PARP4: variants seen among roughly 807,000 people sequenced by gnomAD.
PARP4 encodes poly(ADP-ribose) polymerase family member 4, also known as protein mono-ADP-ribosyltransferase PARP4.
PARP4 carries 120 observed loss-of-function variants against 187.7 expected under a neutral mutation model. The observed-to-expected ratio is 0.64, with a 90% CI of 0.55 to 0.74. PARP4 has a LOEUF of 0.74. PARP4 is among the 30% of genes least tolerant of loss of function. The pLI is 0.00. For missense variants in PARP4, 1,836 were observed against 2,070.5 expected (o/e 0.89, Z 2.20); for synonymous variants, 654 against 740.9 (o/e 0.88, Z 1.90).
chr13:24,494,829 G>T (rs1868854807), intron 6 of PARP4, 107 bp from the exon 7 acceptor site: 58 of 663,862 alleles, frequency 8.7e-5, no homozygotes, highest in Middle Eastern at 3.8e-4. Context: ...TTAGAAATTA[G>T]TTTTTTTCAA....
chr13:24,496,212 A>G (rs7984094), intron 6 of PARP4, among the ~76,000 whole-genome samples: 78,298 of 151,372 alleles, frequency 0.52, 20,304 homozygotes, highest in South Asian at 0.65. Flanking sequence ...TTTCACCTTC[A>G]TTTTTACTTA....
intron 12 of PARP4, among the ~76,000 whole-genome samples, chr13:24,480,308 C>T (rs1330894270): frequency 3.3e-5 from 5 of 152,136 alleles, no homozygotes; most frequent in African/African-American, 9.6e-5. Flanking sequence ...TCTCCTCCTT[C>T]TCTGGCCTCC....
chr13:24,488,606 G>A (rs1404653513), intron 10 of PARP4, among the ~76,000 whole-genome samples: 2 of 151,660 alleles, frequency 1.3e-5, no homozygotes, highest in Non-Finnish European at 2.9e-5. Flanking sequence ...TGCCCACCTC[G>A]GCCTCCCAAA....
At chr13:24,425,312 A>C (rs940528588) in intron 33 of PARP4, among the ~76,000 whole-genome samples, 19 of 152,172 alleles carry the variant, frequency 1.2e-4, no homozygotes, top group African/African-American at 4.6e-4. Context: ...ATAAATAAAT[A>C]AATAAATATC....
At position 24,434,987 on chromosome 13, in the gene PARP4, G is replaced by C; in HGVS notation, c.4154C>G (p.Thr1385Arg). 1 of 1,613,886 alleles carries C rather than the reference G, an allele frequency of 6.2e-7. No homozygotes were observed. Residue 1385 changes from threonine to arginine, a missense_variant, in exon 31 of 34, where the codon ACA (threonine) becomes AGA (arginine). Coordinates refer to ENST00000381989, the MANE Select transcript of PARP4 (RefSeq NM_006437.4). Reference sequence around the variant, plus strand: ...AGAAGGTGGGTTCTGGGGAGGTCCTGTGGGACAAGACGCCGACTGTGGGAT... The same window carrying C: ...AGAAGGTGGGTTCTGGGGAGGTCCTCTGGGACAAGACGCCGACTGTGGGAT... Reference protein sequence around the residue: ...DWIPQSASCPTGPPQNPPSSP... With the variant: ...DWIPQSASCPRGPPQNPPSSP...
intron 17 of PARP4, among the ~76,000 whole-genome samples, chr13:24,460,725 G>A (rs772664407): frequency 3.9e-5 from 6 of 152,058 alleles, no homozygotes; most frequent in East Asian, 1.9e-4. Context: ...ATCTTGCTCC[G>A]TCATCCAGGC....
chr13:24,457,917 T>C (rs926122595), intron 20 of PARP4, among the ~76,000 whole-genome samples: 8 of 151,876 alleles, frequency 5.3e-5, no homozygotes, highest in African/African-American at 1.7e-4. Context: ...AATCATACTG[T>C]TATGAAATTT....
rs781508000 is a variant in PARP4 at position 24,449,739 on chromosome 13, G to T, written c.3093C>A (p.Ser1031=). 4 of 1,598,312 alleles carry T rather than the reference G, an allele frequency of 2.5e-6. No individual in the cohort carries two copies. The highest frequency in any genetic ancestry group is 3.4e-6 in the Non-Finnish European group (4 of 1,167,340). Residue 1031 remains serine (S), a synonymous_variant, in exon 25 of 34, where the codon TCC becomes TCA. Transcript: ENST00000381989. Reference sequence around the variant, plus strand: ...ATACCTGTTTTCTCCAACTATGCTTGGATTTTGCATTAAAATATTCAAATA... The same window carrying T: ...ATACCTGTTTTCTCCAACTATGCTTTGATTTTGCATTAAAATATTCAAATA... The part of the protein sequence containing the change: ...AGVFEYFNAK[S]KHSWRKQIED...
rs576404133 is a variant in PARP4 at position 24,506,248 on chromosome 13, T to C, written c.-1-2471A>G. On this transcript the variant is annotated intron_variant, in intron 1 of 33. Transcript: ENST00000381989. ...CGCATCCAGAGTTTGTCCGGAGTTG[T>C]TTACTCCTACCGGTGGGTTCGTGGT... 1.1e-4 allele frequency among the ~76,000 whole-genome samples: 16 copies of C among 152,318 alleles called. No individual in the cohort carries two copies. The East Asian group carries it at 2.9e-3, about 28-fold the overall frequency.
At chr13:24,477,515 A>G (rs1446128779) in intron 14 of PARP4, among the ~76,000 whole-genome samples, 186 bp downstream of exon 14, 1 of 152,172 alleles carries the variant, frequency 6.6e-6, no homozygotes, top group Non-Finnish European at 1.5e-5. Context: ...TACTAGGCAG[A>G]GGGGTTTGAC....
intron 32 of PARP4, among the ~76,000 whole-genome samples, 158 bp from the exon 33 acceptor site, chr13:24,426,756 G>T (rs1280699303): frequency 6.6e-6 from 1 of 151,702 alleles, no homozygotes; most frequent in Non-Finnish European, 1.5e-5. Context: ...TTAGCCGGGG[G>T]TGGCAGGCAC....
rs1343891352 is a variant in PARP4, at chr13:24,490,838, G to A, written c.1054-10C>T. ...CCATGTCTCTTATTAGCTGTAGGTG[G>A]AAATAATACACAGATGTCAGAATCA... On this transcript the variant is annotated splice_polypyrimidine_tract_variant and intron_variant, in intron 9 of 33. Transcript: ENST00000381989. The A allele has an allele frequency of 1.2e-6, 2 of 1,607,498 alleles. No homozygotes were observed. The highest frequency in any genetic ancestry group is 2.7e-5 in the African/African-American group (2 of 74,662).
Position 24,460,084 on chromosome 13 carries a change from ATAAGAACCTTAGCC to A in PARP4, c.2172_2185del (p.Lys724AsnfsTer35). On this transcript the variant is annotated frameshift_variant, in exon 18 of 34. Transcript: ENST00000381989. LOFTEE classifies it high-confidence loss of function. Reference sequence around the variant, plus strand: ...GAGTTCTGTGATGTAGGTAATTTTTATAAGAACCTTAGCCTTAGGGGGTAAGTTTCCAACACTTA... The same window carrying A: ...GAGTTCTGTGATGTAGGTAATTTTTATTAGGGGGTAAGTTTCCAACACTTA... The A allele has an allele frequency of 6.2e-7, 1 of 1,614,116 alleles. No individual in the cohort carries two copies. Among genetic ancestry groups the A allele is most frequent in the Non-Finnish European group, 8.5e-7 (1 of 1,179,960 alleles).
intron 32 of PARP4, among the ~76,000 whole-genome samples, 177 bp downstream of exon 32, chr13:24,431,200 A>T (rs1870315525): frequency 6.6e-6 from 1 of 152,250 alleles, no homozygotes; most frequent in Non-Finnish European, 1.5e-5. Context: ...AGTGGTAAAA[A>T]TATGACTAGA....
chr13:24,484,300 A>G (rs1230777052), intron 12 of PARP4, among the ~76,000 whole-genome samples: 1 of 152,100 alleles, frequency 6.6e-6, no homozygotes, highest in African/African-American at 2.4e-5. Context: ...CCCAGTAGCT[A>G]GAACTATAGG....
intron 12 of PARP4, among the ~76,000 whole-genome samples, chr13:24,481,450 T>G (rs1284325759): frequency 6.6e-6 from 1 of 152,208 alleles, no homozygotes; most frequent in Non-Finnish European, 1.5e-5. Flanking sequence ...CCCAGCACTT[T>G]GGGAGGCCAA....
chr13:24,438,357 G>T (rs1288893376), intron 30 of PARP4, among the ~76,000 whole-genome samples: 2 of 152,200 alleles, frequency 1.3e-5, no homozygotes. Flanking sequence ...AGCTCAGGCG[G>T]TAATGCTCCC....
At chr13:24,473,246 G>A (rs1210225260) in intron 15 of PARP4, among the ~76,000 whole-genome samples, 1 of 152,112 alleles carries the variant, frequency 6.6e-6, no homozygotes, top group Non-Finnish European at 1.5e-5. Flanking sequence ...ATTTATGATA[G>A]CAAAATGTGT....
chr13:24,482,911 G>C (rs1278792727), intron 12 of PARP4, among the ~76,000 whole-genome samples: 2 of 152,188 alleles, frequency 1.3e-5, no homozygotes, highest in East Asian at 3.8e-4. Flanking sequence ...TTCAACTGAA[G>C]GACAGGACTT....
Sources: gnomAD v4.1 joint callset for allele counts (sites outside exome capture counted in the v4.1 genomes callset) on GRCh38, gnomAD v4.1.1 for gene constraint, MANE v1.5 for transcripts, NCBI Gene and HGNC (gene_info 2026-07-23, HGNC 2026-07-21) for gene names.